NUDCD3: variants seen among roughly 807,000 people sequenced by gnomAD.
NUDCD3 encodes the protein nudC domain-containing protein 3.
A neutral mutation model predicts 39.7 loss-of-function variants in NUDCD3; 13 were observed. The observed-to-expected ratio is 0.33, with a 90% CI of 0.21 to 0.52. NUDCD3 has a LOEUF of 0.52. Ranked by LOEUF, NUDCD3 falls within the 20% of genes least tolerant of loss-of-function variation. NUDCD3 has a pLI of 0.96. For missense variants in NUDCD3, 453 were observed against 458.1 expected (o/e 0.99, Z 0.10); for synonymous variants, 175 against 172.4 (o/e 1.02, Z -0.12).
intron 1 of NUDCD3, among the ~76,000 whole-genome samples, chr7:44,488,701 A>G (rs189178321): frequency 6.6e-6 from 1 of 152,148 alleles, no homozygotes; most frequent in East Asian, 1.9e-4. Flanking sequence ...TATTCCAGTC[A>G]CCCAAGTTGA....
At chr7:44,473,749 A>G (rs59340950) in intron 2 of NUDCD3, among the ~76,000 whole-genome samples, 7,510 of 152,268 alleles carry the variant, frequency 0.049, 248 homozygotes, top group African/African-American at 0.091. Context: ...AACTTATAGG[A>G]AATAGGACAA....
chr7:44,479,305 G>A (rs1800441274), intron 2 of NUDCD3, among the ~76,000 whole-genome samples: 1 of 152,070 alleles, frequency 6.6e-6, no homozygotes, highest in South Asian at 2.1e-4. Flanking sequence ...ATTCTAAAAG[G>A]AATGAATTGT....
rs559144449 is a variant in NUDCD3 at position 44,381,840 on chromosome 7, A to C, written c.*4171T>G. 1 of 152,482 alleles carries C rather than the reference A, an allele frequency of 6.6e-6. No individual in the cohort carries two copies. Among genetic ancestry groups the C allele is most frequent in the African/African-American group, 2.4e-5 (1 of 41,580 alleles). The allele number at this position is 152,482 out of a possible 1,614,324, so 9.4% of individuals were successfully genotyped here. A position where few individuals can be genotyped will look rare whatever the true frequency, so the allele number is the denominator to read the frequency against. ...CAGCACTGAGAAGACAGCAAACGCC[A>C]GCTTGCCAGGGGTTTACCCAGAAAG... is the stretch of plus-strand genomic sequence containing the variant. On this transcript the variant is annotated 3_prime_UTR_variant, in exon 6 of 6. Transcript: ENST00000355451.
At chr7:44,473,924 C>T (rs566556406) in intron 2 of NUDCD3, among the ~76,000 whole-genome samples, 1 of 152,174 alleles carries the variant, frequency 6.6e-6, no homozygotes, top group East Asian at 1.9e-4. Flanking sequence ...TTATTAGTAG[C>T]CTGATTCAAA....
intron 2 of NUDCD3, among the ~76,000 whole-genome samples, chr7:44,442,668 C>G (rs576044823): frequency 6.6e-6 from 1 of 151,532 alleles, no homozygotes; most frequent in African/African-American, 2.4e-5. Flanking sequence ...TCCCTAACTA[C>G]AAGAGGGGCG....
chr7:44,425,318 A>T (rs565052371), intron 3 of NUDCD3, among the ~76,000 whole-genome samples: 9 of 152,294 alleles, frequency 5.9e-5, no homozygotes, highest in East Asian at 3.9e-4. Flanking sequence ...ATAAAAATTT[A>T]AAAAAAGAAA....
chr7:44,485,353 G>C, intron 1 of NUDCD3, 69 bp from the exon 2 acceptor site: 4 of 1,343,286 alleles, frequency 3.0e-6, no homozygotes, highest in Non-Finnish European at 4.1e-6. Context: ...TTGTAGAAAT[G>C]TCGTAAAATC....
intron 5 of NUDCD3, among the ~76,000 whole-genome samples, chr7:44,386,531 G>A (rs1005240424): frequency 3.5e-4 from 53 of 152,176 alleles, no homozygotes; most frequent in African/African-American, 9.7e-4. Flanking sequence ...GAGAAGGTGC[G>A]TAGAGAAAGT....
intron 2 of NUDCD3, among the ~76,000 whole-genome samples, chr7:44,480,023 C>A (rs1164027236): frequency 1.3e-5 from 2 of 152,194 alleles, no homozygotes; most frequent in Admixed American, 6.5e-5. Context: ...AGGATTCTTG[C>A]GGTACCAGTC....
At chr7:44,454,781 T>A (rs1007857521) in intron 2 of NUDCD3, among the ~76,000 whole-genome samples, 12 of 152,046 alleles carry the variant, frequency 7.9e-5, no homozygotes, top group Admixed American at 1.3e-4. Context: ...AATTTTTTTT[T>A]AATTAGCCAG....
chr7:44,401,260 G>A (rs571861052), intron 4 of NUDCD3, among the ~76,000 whole-genome samples: 6 of 152,312 alleles, frequency 3.9e-5, no homozygotes, highest in East Asian at 1.9e-4. Context: ...CAGGATCTTC[G>A]TGAATCAAAG....
intron 2 of NUDCD3, among the ~76,000 whole-genome samples, chr7:44,458,946 G>GTA (rs1799952979): frequency 7.7e-6 from 1 of 130,060 alleles, no homozygotes; most frequent in African/African-American, 3.3e-5. Flanking sequence ...CTGTGTGTGT[G>GTA]TGTGTGTGTG....
intron 3 of NUDCD3, among the ~76,000 whole-genome samples, chr7:44,415,297 C>T (rs1798998839): frequency 6.6e-6 from 1 of 152,218 alleles, no homozygotes; most frequent in Non-Finnish European, 1.5e-5. Flanking sequence ...CTGTCATTAA[C>T]TCAAAGTTCC....
chr7:44,424,614 C>T (rs1585069483), intron 3 of NUDCD3, among the ~76,000 whole-genome samples: 3 of 152,164 alleles, frequency 2.0e-5, no homozygotes, highest in East Asian at 1.9e-4. Context: ...GTTAGAATGG[C>T]GATCATTAAA....
At chr7:44,406,352 G>C (rs1188340589) in intron 3 of NUDCD3, among the ~76,000 whole-genome samples, 2 of 152,218 alleles carry the variant, frequency 1.3e-5, no homozygotes, top group African/African-American at 4.8e-5. Context: ...AGGCAACTGA[G>C]CTTCACTCCC....
At chr7:44,480,024 G>A (rs563835032) in intron 2 of NUDCD3, among the ~76,000 whole-genome samples, 104 of 152,252 alleles carry the variant, frequency 6.8e-4, no homozygotes, top group African/African-American at 2.3e-3. Flanking sequence ...GGATTCTTGC[G>A]GTACCAGTCT....
rs1250152822 is a variant in NUDCD3, at chr7:44,381,022, T to C, written c.*4989A>G. 2 of 152,312 alleles carry C rather than the reference T, an allele frequency of 1.3e-5. No homozygotes were observed. Among genetic ancestry groups the C allele is most frequent in the Non-Finnish European group, 2.9e-5 (2 of 68,092 alleles). 9.4% of individuals were successfully genotyped at this position (152,312 alleles called of 1,614,324 possible). A position where few individuals can be genotyped will look rare whatever the true frequency, so the allele number is the denominator to read the frequency against. ...CAGCCCAATGCCTGAGTCAGCAGGC[T>C]CCTAACAGCCTGAGTGACCTCCTCA... is the stretch of plus-strand genomic sequence containing the variant. On this transcript the variant is annotated 3_prime_UTR_variant, in exon 6 of 6. Coordinates refer to ENST00000355451, the MANE Select transcript of NUDCD3 (RefSeq NM_015332.4).
At chr7:44,426,170 G>T in intron 3 of NUDCD3, 5 of 985,424 alleles carry the variant, frequency 5.1e-6, no homozygotes, top group East Asian at 1.1e-4. Context: ...TAGTTTAAAG[G>T]GGGGTGACCG....
At chr7:44,417,120 C>T (rs1206579190) in intron 3 of NUDCD3, among the ~76,000 whole-genome samples, 1 of 152,218 alleles carries the variant, frequency 6.6e-6, no homozygotes, top group Non-Finnish European at 1.5e-5. Context: ...GTCTTGGTGA[C>T]TCCCACATGC....
Sources: gnomAD v4.1 joint callset for allele counts (sites outside exome capture counted in the v4.1 genomes callset) on GRCh38, gnomAD v4.1.1 for gene constraint, MANE v1.5 for transcripts, NCBI Gene and HGNC (gene_info 2026-07-23, HGNC 2026-07-21) for gene names.